The following ANKRD33B variants were observed in gnomAD, a reference collection of about 807,000 sequenced individuals.
The protein encoded by ANKRD33B is ankyrin repeat domain-containing protein 33B.
Under a neutral mutation model 21.5 loss-of-function variants are expected in ANKRD33B, and 6 were observed. The ratio of observed to expected loss-of-function variants is 0.28; its 90% CI spans 0.15 to 0.55. The LOEUF is 0.55. ANKRD33B is among the 20% of genes least tolerant of loss of function. ANKRD33B has a pLI of 0.94. For synonymous variants in ANKRD33B, 347 were observed against 342.4 expected (o/e 1.01, Z -0.15); for missense variants, 698 against 747.2 (o/e 0.93, Z 0.77).
At chr5:10,625,807 G>A (rs540227367) in intron 2 of ANKRD33B, among the ~76,000 whole-genome samples, 1 of 152,374 alleles carries the variant, frequency 6.6e-6, no homozygotes, top group South Asian at 2.1e-4. Context: ...AGGCTGTAGT[G>A]AAGTCTTTGG....
intron 1 of ANKRD33B, among the ~76,000 whole-genome samples, chr5:10,591,423 T>A (rs1735688220): frequency 6.6e-6 from 1 of 152,162 alleles, no homozygotes; most frequent in Admixed American, 6.5e-5. Context: ...CTCGAACGCC[T>A]GACCTCTTGA....
chr5:10,598,415 C>T lies in ANKRD33B; in HGVS notation c.367-19918C>T, dbSNP rs193188807. ...CCAGGTAGCTGGGATTACAGGCATG[C>T]ACCACCATGCCTGGCTAATTTTTGT... is the stretch of plus-strand genomic sequence containing the variant. On this transcript the variant is annotated intron_variant, in intron 1 of 3. Coordinates refer to ENST00000296657, the MANE Select transcript of ANKRD33B (RefSeq NM_001164440.2). 6.6e-5 allele frequency among the ~76,000 whole-genome samples: 10 copies of T among 152,122 alleles called. No homozygotes were observed. In the East Asian group the frequency reaches 1.9e-3, roughly 29 times the overall value.
intron 1 of ANKRD33B, 85 bp from the exon 2 acceptor site, chr5:10,618,248 T>C: frequency 1.3e-6 from 2 of 1,509,148 alleles, no homozygotes; most frequent in South Asian, 1.2e-5. Context: ...CCCTGGAGGG[T>C]AGTGGGTGCC....
rs577934429 is a variant in ANKRD33B at position 10,576,280 on chromosome 5, GACTC to G, written c.366+11451_366+11454del. On this transcript the variant is annotated intron_variant, in intron 1 of 3. Transcript: ENST00000296657. This position sits in a 1 kb window ranked among gnomAD's most constrained non-coding sequence, Gnocchi z 4.1. ...CCTAGTTATTAATAGGTGGGAAGAG[GACTC>G]ACTGGAAATATTGGGCAACAGAACC... is the stretch of plus-strand genomic sequence containing the variant. Among the ~76,000 whole-genome samples, 52 of 152,276 alleles carry G rather than the reference GACTC, an allele frequency of 3.4e-4. 1 individual carries two copies. In the South Asian group the frequency reaches 0.011, roughly 31 times the overall value.
At chr5:10,587,565 G>A (rs1246757245) in intron 1 of ANKRD33B, among the ~76,000 whole-genome samples, 1 of 143,896 alleles carries the variant, frequency 6.9e-6, no homozygotes, top group African/African-American at 2.6e-5. Context: ...TTTTTTTGGT[G>A]TGGAAAATGA....
At chr5:10,636,308 G>C (rs1382598618) in intron 2 of ANKRD33B, among the ~76,000 whole-genome samples, 1 of 152,184 alleles carries the variant, frequency 6.6e-6, no homozygotes, top group Non-Finnish European at 1.5e-5. Flanking sequence ...CTGCGTCATC[G>C]GTGCATAAGA....
chr5:10,582,902 C>T (rs533379225), intron 1 of ANKRD33B, among the ~76,000 whole-genome samples: 1 of 152,070 alleles, frequency 6.6e-6, no homozygotes, highest in African/African-American at 2.4e-5. Context: ...TTGGTCAGCT[C>T]CATGAGGGAG....
intron 2 of ANKRD33B, among the ~76,000 whole-genome samples, chr5:10,621,269 G>A (rs1736413951): frequency 6.6e-6 from 1 of 151,978 alleles, no homozygotes; most frequent in Non-Finnish European, 1.5e-5. Context: ...TCTTTTTTTA[G>A]TGAGGAATGG....
chr5:10,567,253 ATCTT>A (rs1230061983), intron 1 of ANKRD33B, among the ~76,000 whole-genome samples: 1 of 152,202 alleles, frequency 6.6e-6, no homozygotes, highest in East Asian at 1.9e-4. Flanking sequence ...AACAGCCTCT[ATCTT>A]CCTGAAAAAC....
chr5:10,640,031 C>G lies in ANKRD33B; in HGVS notation c.637+1863C>G, dbSNP rs1274895875. Among the ~76,000 whole-genome samples the G allele has an allele frequency of 1.0e-4, 8 of 79,782 alleles. 1 individual carries two copies. The East Asian group carries it at 2.2e-3, about 22-fold the overall frequency. 52.3% of individuals were successfully genotyped at this position (79,782 alleles called of 152,430 possible). A position where few individuals can be genotyped will look rare whatever the true frequency, so the allele number is the denominator to read the frequency against. On this transcript the variant is annotated intron_variant, in intron 3 of 3. Coordinates refer to ENST00000296657, the MANE Select transcript of ANKRD33B (RefSeq NM_001164440.2). ...ACGTGGAGTTGCGCGGCGATGTTAGCGGGTGACGTGGAGTTGCACGGTGAT... is the reference window on the plus strand; with the variant it reads ...ACGTGGAGTTGCGCGGCGATGTTAGGGGGTGACGTGGAGTTGCACGGTGAT...
intron 1 of ANKRD33B, among the ~76,000 whole-genome samples, chr5:10,589,491 C>T (rs564518786): frequency 1.3e-5 from 2 of 152,306 alleles, no homozygotes; most frequent in South Asian, 4.1e-4. Flanking sequence ...TAATTTGACT[C>T]TGTTTACTCT....
chr5:10,603,803 A>G (rs1735981791), intron 1 of ANKRD33B, among the ~76,000 whole-genome samples: 1 of 152,146 alleles, frequency 6.6e-6, no homozygotes, highest in African/African-American at 2.4e-5. Context: ...AATTCTTTAT[A>G]TACCTCAATT....
chr5:10,612,437 C>A (rs1736192083), intron 1 of ANKRD33B, among the ~76,000 whole-genome samples: 1 of 152,182 alleles, frequency 6.6e-6, no homozygotes, highest in Non-Finnish European at 1.5e-5. Context: ...ACCTGGTTAC[C>A]TCCTAGTGGC....
rs1341681700 is a variant in ANKRD33B, at chr5:10,650,136, G to A, written c.*23G>A. 1 of 1,452,940 alleles carries A rather than the reference G, an allele frequency of 6.9e-7. No homozygotes were observed. The highest frequency in any genetic ancestry group is 2.4e-4 in the Middle Eastern group (1 of 4,186). 90.0% of individuals were successfully genotyped at this position (1,452,940 alleles called of 1,614,324 possible). A position where few individuals can be genotyped will look rare whatever the true frequency, so the allele number is the denominator to read the frequency against. The stretch of plus-strand genomic sequence containing the variant: ...TGAGGGCCCGTGTGCCTGGCGCTGG[G>A]GCCGGGGCTGGGGCCGGGGCGGGGC... On this transcript the variant is annotated 3_prime_UTR_variant, in exon 4 of 4. Coordinates refer to ENST00000296657, the MANE Select transcript of ANKRD33B (RefSeq NM_001164440.2).
chr5:10,566,505 C>G (rs547756160), intron 1 of ANKRD33B, among the ~76,000 whole-genome samples: 1 of 152,362 alleles, frequency 6.6e-6, no homozygotes, highest in East Asian at 1.9e-4. Flanking sequence ...TCCCCCTGTC[C>G]TGGGCAGCCT....
intron 2 of ANKRD33B, 110 bp downstream of exon 2, chr5:10,618,572 G>GTCC (rs1736342802): frequency 7.2e-7 from 1 of 1,381,308 alleles, no homozygotes; most frequent in South Asian, 1.5e-5. Flanking sequence ...CAGAGACCAT[G>GTCC]TCCTGCTACC....
rs75682314 is a variant in ANKRD33B, at chr5:10,652,901, G to A, written c.*2788G>A. The A allele has an allele frequency of 2.4e-3, 521 of 216,416 alleles. 2 individuals are homozygous for A. The highest frequency in any genetic ancestry group is 0.011 in the African/African-American group (498 of 43,356). The allele number at this position is 216,416 out of a possible 1,614,324, so 13.4% of individuals were successfully genotyped here. A position where few individuals can be genotyped will look rare whatever the true frequency, so the allele number is the denominator to read the frequency against. ...AGCCAACAAGCTTGGGGCAGGACAC[G>A]GATTTCTTTGGCAAATCTGCAGGCG... On this transcript the variant is annotated 3_prime_UTR_variant, in exon 4 of 4. Coordinates refer to ENST00000296657, the MANE Select transcript of ANKRD33B (RefSeq NM_001164440.2). This position sits in a 1 kb window ranked among gnomAD's most constrained non-coding sequence, Gnocchi z 4.1.
Position 10,655,650 on chromosome 5 carries a change from G to A in ANKRD33B, c.*5537G>A, listed in dbSNP as rs986726903. On this transcript the variant is annotated 3_prime_UTR_variant, in exon 4 of 4. Transcript: ENST00000296657. ...TCCCCCTGTGCTGTGTCAGCTCCTGGACACTACTAGTCTTTCACATGATAA... is the reference window on the plus strand; with the variant it reads ...TCCCCCTGTGCTGTGTCAGCTCCTGAACACTACTAGTCTTTCACATGATAA... 1 of 152,360 alleles carries A rather than the reference G, an allele frequency of 6.6e-6. No individual in the cohort carries two copies. Among genetic ancestry groups the A allele is most frequent in the African/African-American group, 2.4e-5 (1 of 41,448 alleles). 9.4% of individuals were successfully genotyped at this position (152,360 alleles called of 1,614,324 possible). A position where few individuals can be genotyped will look rare whatever the true frequency, so the allele number is the denominator to read the frequency against.
At chr5:10,610,756 A>G (rs1736152750) in intron 1 of ANKRD33B, among the ~76,000 whole-genome samples, 1 of 152,236 alleles carries the variant, frequency 6.6e-6, no homozygotes, top group African/African-American at 2.4e-5. Context: ...TCCCTATTAA[A>G]TATATCGCTT....
Sources: allele counts gnomAD v4.1 joint callset (sites outside exome capture counted in the v4.1 genomes callset), GRCh38; gene constraint gnomAD v4.1.1; non-coding constraint Gnocchi (gnomAD v3.1); transcripts MANE v1.5; gene names NCBI Gene and HGNC (gene_info 2026-07-23, HGNC 2026-07-21).